Variants in ARHGAP20 observed in about 807,000 individuals in gnomAD.
ARHGAP20 encodes the protein Rho GTPase activating protein 20.
In ARHGAP20, 34 loss-of-function variants were observed where a neutral mutation model predicts 73.7. The ratio of observed to expected loss-of-function variants is 0.46; its 90% CI spans 0.35 to 0.61. The LOEUF (loss-of-function observed/expected upper bound fraction) is 0.61, where lower values mean the gene tolerates loss of function less well. Among genes scored for constraint, ARHGAP20 ranks in the 20% least tolerant of loss-of-function variants. The pLI, the probability that ARHGAP20 is intolerant of heterozygous loss-of-function variation, is 0.00. For synonymous variants in ARHGAP20, 523 were observed against 518.2 expected (o/e 1.01, Z -0.13); for missense variants, 1,314 against 1,420.9 (o/e 0.92, Z 1.21).
intron 2 of ARHGAP20, among the ~76,000 whole-genome samples, chr11:110,656,839 G>T (rs1949478705): frequency 6.6e-6 from 1 of 152,130 alleles, no homozygotes; most frequent in Non-Finnish European, 1.5e-5. Flanking sequence ...TCTGTGTTCT[G>T]GGGATCCCAG....
At chr11:110,661,121 A>C (rs1949601488) in intron 2 of ARHGAP20, among the ~76,000 whole-genome samples, 1 of 152,210 alleles carries the variant, frequency 6.6e-6, no homozygotes, top group African/African-American at 2.4e-5. Context: ...TTAAAAAATA[A>C]AAAGCTATTA....
intron 2 of ARHGAP20, among the ~76,000 whole-genome samples, chr11:110,675,610 C>T (rs1949914404): frequency 6.6e-6 from 1 of 152,106 alleles, no homozygotes; most frequent in African/African-American, 2.4e-5. Context: ...ATGCACAGTT[C>T]ACAGTAGGGA....
chr11:110,630,827 G>C, intron 2 of ARHGAP20, 35 bp from the exon 3 acceptor site: 1 of 1,599,298 alleles, frequency 6.3e-7, no homozygotes, highest in Non-Finnish European at 8.5e-7. Context: ...TCAGTCAAAC[G>C]ATCATCTTAT....
chr11:110,684,943 A>G (rs1950103111), intron 2 of ARHGAP20, among the ~76,000 whole-genome samples: 1 of 152,140 alleles, frequency 6.6e-6, no homozygotes, highest in Non-Finnish European at 1.5e-5. Flanking sequence ...GCAAGTCTTG[A>G]AAAACTACTA....
chr11:110,592,286 T>C (rs1947848429), intron 9 of ARHGAP20, 131 bp from the exon 10 acceptor site: 5 of 742,466 alleles, frequency 6.7e-6, no homozygotes, highest in Non-Finnish European at 1.0e-5. Context: ...GCTTTTGTCA[T>C]TGACAATTCA....
At chr11:110,595,778 A>C (rs1259362362) in intron 9 of ARHGAP20, among the ~76,000 whole-genome samples, 1 of 152,098 alleles carries the variant, frequency 6.6e-6, no homozygotes, top group Non-Finnish European at 1.5e-5. Flanking sequence ...TTCTTCACAG[A>C]ATTGGAAAAA....
chr11:110,673,123 T>C (rs960507341), intron 2 of ARHGAP20, among the ~76,000 whole-genome samples: 13 of 151,878 alleles, frequency 8.6e-5, no homozygotes, highest in African/African-American at 3.1e-4. Flanking sequence ...AAGAAATATA[T>C]AAGACAAAAA....
At chr11:110,662,916 A>G (rs1949646196) in intron 2 of ARHGAP20, among the ~76,000 whole-genome samples, 1 of 152,004 alleles carries the variant, frequency 6.6e-6, no homozygotes, top group Admixed American at 6.6e-5. Flanking sequence ...AACCAAGAAC[A>G]TCTTGTCATA....
intron 1 of ARHGAP20, among the ~76,000 whole-genome samples, chr11:110,697,803 C>T (rs755454030): frequency 5.9e-5 from 9 of 151,740 alleles, no homozygotes; most frequent in Admixed American, 3.3e-4. Context: ...TATACCAGGA[C>T]CATGCTGTTT....
At chr11:110,711,957 G>A in intron 1 of ARHGAP20, 170 bp downstream of exon 1, 1 of 1,252,906 alleles carries the variant, frequency 8.0e-7, no homozygotes, top group Non-Finnish European at 1.0e-6. Context: ...CGCTGCCGCT[G>A]GCCGTCAAGG....
chr11:110,695,266 T>C (rs540446789), intron 1 of ARHGAP20, among the ~76,000 whole-genome samples: 2 of 151,608 alleles, frequency 1.3e-5, no homozygotes, highest in East Asian at 1.9e-4. Flanking sequence ...AATTTTGTCA[T>C]CTTGGATGAG....
intron 9 of ARHGAP20, among the ~76,000 whole-genome samples, chr11:110,596,685 T>C (rs1947971380): frequency 6.6e-6 from 1 of 152,178 alleles, no homozygotes; most frequent in Non-Finnish European, 1.5e-5. Context: ...ACTTTTACAC[T>C]GTTGGTGGGA....
Position 110,581,092 on chromosome 11 carries a change from T to G in ARHGAP20, c.1854A>C (p.Leu618Phe). Residue 618 changes from leucine (L) to phenylalanine (F), a missense_variant, in exon 15 of 15, where the codon TTA becomes TTC. Leu to Phe is a conservative substitution (Grantham distance 22). Transcript: ENST00000683387. ...GGTCAAGATCATAGTCACTGAGGGT[T>G]AAGACAGAGTCCATGCTTCTGCTCC... ...GQGSRSMDSV[L>F]TLSDYDLDQP... 1 of 1,614,216 alleles carries G rather than the reference T, an allele frequency of 6.2e-7. No homozygotes were observed. The highest frequency in any genetic ancestry group is 8.5e-7 in the Non-Finnish European group (1 of 1,180,032).
intron 2 of ARHGAP20, among the ~76,000 whole-genome samples, chr11:110,633,364 A>G (rs1204512365): frequency 6.6e-6 from 1 of 152,162 alleles, no homozygotes; most frequent in Non-Finnish European, 1.5e-5. Context: ...CAGGCTCTCT[A>G]TTCTGTTGCA....
At position 110,699,232 on chromosome 11, in the gene ARHGAP20, C is replaced by T. The variant is rs530333864; in HGVS notation, c.106-8603G>A. On this transcript the variant is annotated intron_variant, in intron 1 of 14. Coordinates refer to ENST00000683387, the MANE Select transcript of ARHGAP20 (RefSeq NM_001384657.1). ...TGTGTTTATGAGAGTTCCTCTTGGT[C>T]TTGATTTCTAATTTTACTCCACTGT... 9.2e-5 allele frequency among the ~76,000 whole-genome samples: 14 copies of T among 151,850 alleles called. No homozygotes were observed. In the South Asian group the frequency reaches 2.1e-3, roughly 22 times the overall value.
chr11:110,623,499 C>T (rs1024075727), intron 4 of ARHGAP20, among the ~76,000 whole-genome samples: 1 of 152,208 alleles, frequency 6.6e-6, no homozygotes, highest in African/African-American at 2.4e-5. Flanking sequence ...TTGGGAAACT[C>T]TGACTCCTTA....
rs1489003767 is a variant in ARHGAP20, at chr11:110,580,999, A to AACATCT, written c.1941_1946dup (p.Asp648_Val649dup). On this transcript the variant is annotated inframe_insertion, in exon 15 of 15. Transcript: ENST00000683387. Reference sequence around the variant, plus strand: ...TGGATTCAAGAGGCCGTTTCATTTGAACATCTTCATCTTTAGAATGGGCCA... The same window carrying AACATCT: ...TGGATTCAAGAGGCCGTTTCATTTGAACATCTACATCTTCATCTTTAGAATGGGCCA... 1.2e-6 allele frequency: 2 copies of AACATCT among 1,614,106 alleles called. No individual in the cohort carries two copies. Among genetic ancestry groups the AACATCT allele is most frequent in the Non-Finnish European group, 1.7e-6 (2 of 1,180,032 alleles).
At chr11:110,694,264 G>A (rs1950296004) in intron 1 of ARHGAP20, among the ~76,000 whole-genome samples, 1 of 151,832 alleles carries the variant, frequency 6.6e-6, no homozygotes, top group Non-Finnish European at 1.5e-5. Context: ...GTGATTAAAT[G>A]TCAAAAACTG....
chr11:110,708,750 G>C (rs1745513849), intron 1 of ARHGAP20, among the ~76,000 whole-genome samples: 3 of 152,150 alleles, frequency 2.0e-5, no homozygotes. Context: ...GAATTAGAAA[G>C]GGACATGAGG....
Sources: gnomAD v4.1 joint callset for allele counts (sites outside exome capture counted in the v4.1 genomes callset) on GRCh38, gnomAD v4.1.1 for gene constraint, MANE v1.5 for transcripts, NCBI Gene and HGNC (gene_info 2026-07-23, HGNC 2026-07-21) for gene names.